HERC4: variants seen among roughly 807,000 people sequenced by gnomAD.
HERC4 encodes HECT and RLD domain containing E3 ubiquitin protein ligase 4, also known as probable E3 ubiquitin-protein ligase HERC4.
A neutral mutation model predicts 124.3 loss-of-function variants in HERC4; 28 were observed. The observed-to-expected ratio is 0.23, with a 90% CI of 0.17 to 0.31. HERC4 has a LOEUF of 0.31. Ranked by LOEUF, HERC4 falls within the 10% of genes least tolerant of loss-of-function variation. The probability of loss-of-function intolerance (pLI) is 1.00; values close to 1 mark genes in which losing one functional copy is unlikely to be tolerated. For missense variants in HERC4, 713 were observed against 1,229.3 expected, an observed-to-expected ratio of 0.58 and a Z score of 6.28; for synonymous variants, 407 against 421.5, an observed-to-expected ratio of 0.97 and a Z score of 0.42.
At position 68,010,305 on chromosome 10, in the gene HERC4, G is replaced by C; in HGVS notation, c.1069+3721C>G. On this transcript the variant is annotated intron_variant, in intron 9 of 24. Transcript: ENST00000373700. ...AGTGCAATGAGGGCTCCCATAGCCTGGGGTACCAAAATGGGAGCCTGGGGC... is the reference window on the plus strand; with the variant it reads ...AGTGCAATGAGGGCTCCCATAGCCTCGGGTACCAAAATGGGAGCCTGGGGC... 9.4e-6 allele frequency: 9 copies of C among 959,448 alleles called. No homozygotes were observed. The South Asian group carries it at 1.2e-4, about 13-fold the overall frequency. The allele number at this position is 959,448 out of a possible 1,614,324, so 59.4% of individuals were successfully genotyped here. A position where few individuals can be genotyped will look rare whatever the true frequency, so the allele number is the denominator to read the frequency against.
intron 9 of HERC4, among the ~76,000 whole-genome samples, chr10:68,009,456 TA>T (rs201449330): frequency 1.0e-3 from 150 of 149,794 alleles, no homozygotes; most frequent in African/African-American, 3.3e-3. Flanking sequence ...CATTGTATCT[TA>T]AAAAAAAAAT....
At chr10:67,929,400 T>C (rs528826210) in intron 23 of HERC4, among the ~76,000 whole-genome samples, 5 of 152,240 alleles carry the variant, frequency 3.3e-5, no homozygotes, top group Non-Finnish European at 7.3e-5. Context: ...CTATTCACTA[T>C]AATTTTTTGT....
At chr10:68,029,167 C>A (rs900570279) in intron 7 of HERC4, among the ~76,000 whole-genome samples, 1 of 151,868 alleles carries the variant, frequency 6.6e-6, no homozygotes, top group South Asian at 2.1e-4. Context: ...AAGAGTGAGA[C>A]CCCCATCTCA....
rs141760256 is a variant in HERC4, at chr10:68,041,337, T to C, written c.386+3067A>G. 7.1e-3 allele frequency among the ~76,000 whole-genome samples: 1,088 copies of C among 152,244 alleles called. 16 individuals carry two copies. The highest frequency in any genetic ancestry group is 0.025 in the African/African-American group (1,028 of 41,544). On this transcript the variant is annotated intron_variant, in intron 4 of 24. Transcript: ENST00000373700. Reference sequence around the variant, plus strand: ...ATTTATCTCAGAATAGGGGAGTAGATTTTTAAAAAAATGAAAAATTTAGAC... The same window carrying C: ...ATTTATCTCAGAATAGGGGAGTAGACTTTTAAAAAAATGAAAAATTTAGAC...
chr10:67,969,436 G>A lies in HERC4; in HGVS notation c.1807-2634C>T, dbSNP rs192816025. On this transcript the variant is annotated intron_variant, in intron 15 of 24. Coordinates refer to ENST00000373700, the MANE Select transcript of HERC4 (RefSeq NM_015601.4). ...GCCTCTTGTCCATAGATGCCACTGG[G>A]TGCCCATGAAACAACTGGAAACAAG... 6.5e-4 allele frequency among the ~76,000 whole-genome samples: 99 copies of A among 152,222 alleles called. No individual in the cohort carries two copies. The Middle Eastern group carries it at 0.01, about 16-fold the overall frequency.
chr10:68,025,482 C>T (rs2038854288), intron 8 of HERC4, 64 bp downstream of exon 8: 1 of 1,493,602 alleles, frequency 6.7e-7, no homozygotes, highest in Admixed American at 2.1e-5. Flanking sequence ...TGAAACAATT[C>T]AATAAGCAAT....
chr10:67,996,134 C>T (rs754929404), intron 9 of HERC4: 4 of 450,670 alleles, frequency 8.9e-6, no homozygotes, highest in Non-Finnish European at 1.8e-5. Context: ...GGCAAGACCT[C>T]GCCTCTACAA....
chr10:67,922,806 A>T lies in HERC4; in HGVS notation c.*125T>A. 1.4e-6 allele frequency: 1 copy of T among 699,284 alleles called. No individual in the cohort carries two copies. The highest frequency in any genetic ancestry group is 2.4e-6 in the Non-Finnish European group (1 of 410,968). 43.3% of individuals were successfully genotyped at this position (699,284 alleles called of 1,614,324 possible). A position where few individuals can be genotyped will look rare whatever the true frequency, so the allele number is the denominator to read the frequency against. The stretch of plus-strand genomic sequence containing the variant: ...TTTTTTGGCTTCCATGAACACTCGT[A>T]GATTGAACATTCTGCAAGTAAGAAT... On this transcript the variant is annotated 3_prime_UTR_variant, in exon 25 of 25. Coordinates refer to ENST00000373700, the MANE Select transcript of HERC4 (RefSeq NM_015601.4).
At chr10:68,055,839 C>G (rs773755217) in intron 3 of HERC4, among the ~76,000 whole-genome samples, 19 of 151,570 alleles carry the variant, frequency 1.3e-4, no homozygotes, top group Non-Finnish European at 1.6e-4. Flanking sequence ...GCAACCTCTG[C>G]CTCCTGGGTT....
chr10:68,008,626 G>C (rs932034183), intron 9 of HERC4, among the ~76,000 whole-genome samples: 13 of 152,008 alleles, frequency 8.6e-5, no homozygotes, highest in African/African-American at 3.1e-4. Flanking sequence ...ATAAGCAATA[G>C]ATTCAAAGAA....
At chr10:68,005,625 T>C (rs1191528880) in intron 9 of HERC4, among the ~76,000 whole-genome samples, 1 of 152,124 alleles carries the variant, frequency 6.6e-6, no homozygotes, top group East Asian at 1.9e-4. Context: ...TTCCTTCCTA[T>C]CTTCCTTTTT....
At chr10:67,967,809 G>A (rs2034978289) in intron 15 of HERC4, among the ~76,000 whole-genome samples, 1 of 151,726 alleles carries the variant, frequency 6.6e-6, no homozygotes, top group Non-Finnish European at 1.5e-5. Context: ...AGAGGAACAA[G>A]TTAAATAAAC....
At chr10:68,036,334 AG>A (rs1181593774) in intron 5 of HERC4, among the ~76,000 whole-genome samples, 1 of 151,724 alleles carries the variant, frequency 6.6e-6, no homozygotes, top group African/African-American at 2.4e-5. Flanking sequence ...AAAAAAAAAA[AG>A]TTTAGCAAAT....
intron 6 of HERC4, among the ~76,000 whole-genome samples, chr10:68,033,222 T>C (rs1057038526): frequency 2.0e-5 from 3 of 151,972 alleles, no homozygotes; most frequent in African/African-American, 7.3e-5. Context: ...CTTAAAAGCC[T>C]GGAAAAAAAA....
chr10:67,927,397 TATATATATATATATATATATATATA>T (rs1564910386), intron 23 of HERC4, among the ~76,000 whole-genome samples: 2 of 6,338 alleles, frequency 3.2e-4, no homozygotes, highest in African/African-American at 6.7e-4. Flanking sequence ...TATATATATA[TATATATATATATATATATATATATA>T]TATATATATT....
intron 16 of HERC4, among the ~76,000 whole-genome samples, chr10:67,957,693 A>G (rs917801331): frequency 4.6e-5 from 7 of 152,164 alleles, no homozygotes; most frequent in Admixed American, 2.6e-4. Context: ...CAGTAAAACA[A>G]TATCTTTGTG....
chr10:67,999,501 T>C (rs1408477193), intron 9 of HERC4, among the ~76,000 whole-genome samples: 4 of 152,150 alleles, frequency 2.6e-5, no homozygotes, highest in African/African-American at 9.6e-5. Flanking sequence ...AATGTATACA[T>C]CAAAGAAAAG....
chr10:68,053,313 T>C (rs2040406189), intron 3 of HERC4, among the ~76,000 whole-genome samples: 2 of 151,368 alleles, frequency 1.3e-5, no homozygotes. Context: ...CACTACACTT[T>C]TTTTTTTTTT....
intron 4 of HERC4, among the ~76,000 whole-genome samples, chr10:68,042,625 G>A (rs1460654920): frequency 6.6e-6 from 1 of 152,034 alleles, no homozygotes; most frequent in East Asian, 1.9e-4. Flanking sequence ...TTTGTCTCAA[G>A]AAACAAACAA....
Sources: gnomAD v4.1 joint callset for allele counts (sites outside exome capture counted in the v4.1 genomes callset) on GRCh38, gnomAD v4.1.1 for gene constraint, MANE v1.5 for transcripts, NCBI Gene and HGNC (gene_info 2026-07-23, HGNC 2026-07-21) for gene names.